Variants in PLCL1 observed in about 807,000 individuals in gnomAD.
PLCL1 encodes the protein phospholipase C like 1 (inactive).
A neutral mutation model predicts 84.4 loss-of-function variants in PLCL1; 41 were observed. The ratio of observed to expected loss-of-function variants is 0.49; its 90% CI spans 0.38 to 0.63. The LOEUF (loss-of-function observed/expected upper bound fraction) is 0.63, where lower values mean the gene tolerates loss of function less well. Among genes scored for constraint, PLCL1 ranks in the 30% least tolerant of loss-of-function variants. The pLI is 0.00. For synonymous variants in PLCL1, 490 were observed against 488.3 expected (o/e 1.00, Z -0.05); for missense variants, 1,206 against 1,367.8 (o/e 0.88, Z 1.87).
chr2:197,890,597 C>T (rs1281625623), intron 1 of PLCL1, among the ~76,000 whole-genome samples: 1 of 150,368 alleles, frequency 6.7e-6, no homozygotes, highest in Non-Finnish European at 1.5e-5. Context: ...ACCTACCACC[C>T]AGAGATAACC....
At chr2:198,073,904 T>C (rs895469351) in intron 1 of PLCL1, among the ~76,000 whole-genome samples, 2 of 152,190 alleles carry the variant, frequency 1.3e-5, no homozygotes, top group Non-Finnish European at 2.9e-5. Context: ...TGAATAGAAT[T>C]AGGTTTTTTA....
intron 1 of PLCL1, among the ~76,000 whole-genome samples, chr2:197,807,355 T>TTTTGTAGAA (rs1690506133): frequency 6.6e-6 from 1 of 152,256 alleles, no homozygotes; most frequent in South Asian, 2.1e-4. Context: ...TACAAAAAAA[T>TTTTGTAGAA]CTGGCTAGAG....
chr2:197,882,663 T>G (rs1687852034), intron 1 of PLCL1, among the ~76,000 whole-genome samples: 1 of 152,064 alleles, frequency 6.6e-6, no homozygotes, highest in Admixed American at 6.5e-5. Flanking sequence ...ATACCACAAA[T>G]AAAATAAAAA....
At chr2:197,836,476 A>C (rs1363123418) in intron 1 of PLCL1, among the ~76,000 whole-genome samples, 1 of 150,876 alleles carries the variant, frequency 6.6e-6, no homozygotes, top group Non-Finnish European at 1.5e-5. Context: ...AAAAAAAAAA[A>C]ATCCTTACCT....
At chr2:198,070,484 T>C (rs917394446) in intron 1 of PLCL1, among the ~76,000 whole-genome samples, 2 of 152,084 alleles carry the variant, frequency 1.3e-5, no homozygotes, top group African/African-American at 4.8e-5. Context: ...AACTGAATTG[T>C]GCTTTGGACA....
At chr2:198,046,240 A>C (rs2105863864) in intron 1 of PLCL1, among the ~76,000 whole-genome samples, 1 of 152,320 alleles carries the variant, frequency 6.6e-6, no homozygotes, top group East Asian at 1.9e-4. Context: ...AAATATTAGT[A>C]TCTAGCTCTT....
intron 1 of PLCL1, among the ~76,000 whole-genome samples, chr2:197,861,534 A>G (rs997970251): frequency 1.3e-5 from 2 of 152,216 alleles, no homozygotes; most frequent in African/African-American, 4.8e-5. Flanking sequence ...GGGATTGTGG[A>G]AACCCTGATT....
At chr2:197,836,437 A>T (rs1691189033) in intron 1 of PLCL1, among the ~76,000 whole-genome samples, 1 of 105,478 alleles carries the variant, frequency 9.5e-6, no homozygotes. Context: ...ACAGAGCGAG[A>T]CTCCGTCTCA....
At chr2:197,835,301 A>G (rs1026569386) in intron 1 of PLCL1, among the ~76,000 whole-genome samples, 18 of 152,212 alleles carry the variant, frequency 1.2e-4, no homozygotes, top group African/African-American at 4.3e-4. Flanking sequence ...TAATAAAAAA[A>G]CCATAGTGTT....
At chr2:197,928,891 C>T (rs950072174) in intron 1 of PLCL1, among the ~76,000 whole-genome samples, 1 of 152,112 alleles carries the variant, frequency 6.6e-6, no homozygotes, top group Non-Finnish European at 1.5e-5. Context: ...TAGAAAAATA[C>T]CTGGAAAAAT....
chr2:197,833,689 T>C (rs1691119162), intron 1 of PLCL1, among the ~76,000 whole-genome samples: 1 of 152,178 alleles, frequency 6.6e-6, no homozygotes, highest in African/African-American at 2.4e-5. Context: ...TGGAAAAACA[T>C]TCCATGCTCA....
intron 1 of PLCL1, among the ~76,000 whole-genome samples, chr2:197,984,369 AG>A (rs1665745733): frequency 6.6e-6 from 1 of 152,218 alleles, no homozygotes; most frequent in African/African-American, 2.4e-5. Context: ...TTAGCACCAT[AG>A]ATGGTAATGT....
chr2:197,809,757 T>A (rs1215875692), intron 1 of PLCL1, among the ~76,000 whole-genome samples: 1 of 152,010 alleles, frequency 6.6e-6, no homozygotes, highest in Non-Finnish European at 1.5e-5. Context: ...TAGGAATATA[T>A]ATAAATCTAG....
intron 1 of PLCL1, among the ~76,000 whole-genome samples, chr2:198,049,585 G>A (rs993994686): frequency 6.6e-6 from 1 of 152,276 alleles, no homozygotes; most frequent in African/African-American, 2.4e-5. Flanking sequence ...AGGGGGTTAG[G>A]TGGTGCTGTC....
intron 1 of PLCL1, among the ~76,000 whole-genome samples, chr2:198,064,167 C>T (rs951178759): frequency 1.3e-5 from 2 of 152,134 alleles, no homozygotes; most frequent in African/African-American, 4.8e-5. Context: ...TAAGAAAGTT[C>T]ATATAATAAT....
At chr2:197,830,860 C>T (rs1210211440) in intron 1 of PLCL1, among the ~76,000 whole-genome samples, 1 of 152,176 alleles carries the variant, frequency 6.6e-6, no homozygotes, top group Non-Finnish European at 1.5e-5. Context: ...AGAGTGAGGG[C>T]TGATATTCAA....
chr2:198,136,839 T>G (rs1011902203), intron 5 of PLCL1, among the ~76,000 whole-genome samples: 1 of 152,180 alleles, frequency 6.6e-6, no homozygotes, highest in Non-Finnish European at 1.5e-5. Flanking sequence ...CAGTCCTTTT[T>G]TCCAGCACTT....
chr2:198,148,013 A>G lies in PLCL1; in HGVS notation c.*1051A>G, dbSNP rs929090088. 4 of 152,326 alleles carry G rather than the reference A, an allele frequency of 2.6e-5. No homozygotes were observed. The highest frequency in any genetic ancestry group is 6.6e-5 in the Admixed American group (1 of 15,264). The allele number at this position is 152,326 out of a possible 1,614,324, so 9.4% of individuals were successfully genotyped here. ...CTTTGTGATAATTTAAGAGCTAACC[A>G]GTTACCACACATCTATGATATAACC... On this transcript the variant is annotated 3_prime_UTR_variant, in exon 6 of 6. Transcript: ENST00000428675.
intron 3 of PLCL1, among the ~76,000 whole-genome samples, chr2:198,100,114 T>C (rs534784511): frequency 6.6e-6 from 1 of 152,120 alleles, no homozygotes; most frequent in East Asian, 1.9e-4. Flanking sequence ...CACACACATA[T>C]GTGGGTAGCA....
Sources: allele counts gnomAD v4.1 joint callset (sites outside exome capture counted in the v4.1 genomes callset), GRCh38; gene constraint gnomAD v4.1.1; transcripts MANE v1.5; gene names NCBI Gene and HGNC (gene_info 2026-07-23, HGNC 2026-07-21).